Variants in ALDH2 observed in about 807,000 individuals in gnomAD.
The protein encoded by ALDH2 is aldehyde dehydrogenase, mitochondrial.
In ALDH2, 44 loss-of-function variants were observed where a neutral mutation model predicts 59.6. That is an observed-to-expected ratio of 0.74 (90% CI 0.58 to 0.95). The LOEUF (loss-of-function observed/expected upper bound fraction) is 0.95, where lower values mean the gene tolerates loss of function less well. Among genes scored for constraint, ALDH2 ranks in the 40% least tolerant of loss-of-function variants. The pLI is 0.00. For synonymous variants in ALDH2, 291 were observed against 284.0 expected (o/e 1.02, Z -0.25); for missense variants, 570 against 696.3 (o/e 0.82, Z 2.04).
chr12:111,806,996 G>A (rs763932021), intron 12 of ALDH2, among the ~76,000 whole-genome samples: 6 of 151,860 alleles, frequency 4.0e-5, no homozygotes, highest in Admixed American at 2.0e-4. Context: ...ACCGGGCATG[G>A]TGGCTCACGC....
At chr12:111,771,856 T>C in intron 1 of ALDH2, among the ~76,000 whole-genome samples, 1 of 152,180 alleles carries the variant, frequency 6.6e-6, no homozygotes, top group African/African-American at 2.4e-5. Context: ...CTCCGCACTT[T>C]GGGAGGCTGA....
At position 111,774,830 on chromosome 12, in the gene ALDH2, G is replaced by A. The variant is rs190110704; in HGVS notation, c.115-7088G>A. ...CCCTGCCCCAGCTCCTGAGCCCCTC[G>A]ACCACCACAATCACCACTAAGTCTC... On this transcript the variant is annotated intron_variant, in intron 1 of 12. Coordinates refer to ENST00000261733, the MANE Select transcript of ALDH2 (RefSeq NM_000690.4). 2.4e-3 allele frequency among the ~76,000 whole-genome samples: 365 copies of A among 152,152 alleles called. 2 individuals carry two copies. Among genetic ancestry groups the A allele is most frequent in the African/African-American group, 8.6e-3 (355 of 41,518 alleles).
chr12:111,784,576 C>G (rs2068296406), intron 3 of ALDH2, among the ~76,000 whole-genome samples: 1 of 152,218 alleles, frequency 6.6e-6, no homozygotes, highest in South Asian at 2.1e-4. Flanking sequence ...CAGGGCTGGG[C>G]AGCCTGGCTC....
At chr12:111,772,859 T>C (rs1423157096) in intron 1 of ALDH2, among the ~76,000 whole-genome samples, 1 of 150,986 alleles carries the variant, frequency 6.6e-6, no homozygotes, top group African/African-American at 2.4e-5. Context: ...AGAGCCTCTA[T>C]AGAAATAGAT....
In ALDH2 at chr12:111,802,655, C is replaced by T. The variant is rs1308067941; in HGVS notation, c.1407-1204C>T. On this transcript the variant is annotated intron_variant, in intron 11 of 12. Coordinates refer to ENST00000261733, the MANE Select transcript of ALDH2 (RefSeq NM_000690.4). ...CAGCACTTTGGGAGGCCAAGGCGGG[C>T]GGATCACGAGGTCAGAAGATCAAGA... 1.5e-4 allele frequency among the ~76,000 whole-genome samples: 23 copies of T among 151,208 alleles called. 1 individual carries two copies. Among genetic ancestry groups the T allele is most frequent in the South Asian group, 1.2e-3 (6 of 4,806 alleles).
chr12:111,771,966 G>A (rs1290056572), intron 1 of ALDH2, among the ~76,000 whole-genome samples: 1 of 151,998 alleles, frequency 6.6e-6, no homozygotes, highest in Non-Finnish European at 1.5e-5. Context: ...AGGCCTGGTA[G>A]CCCACGCTTG....
At chr12:111,774,053 A>G (rs1260128080) in intron 1 of ALDH2, among the ~76,000 whole-genome samples, 1 of 152,214 alleles carries the variant, frequency 6.6e-6, no homozygotes, top group East Asian at 1.9e-4. Flanking sequence ...TTGCAGCAAG[A>G]TAGAGGTTGC....
chr12:111,816,956 G>T lies in ALDH2; in HGVS notation c.*7381G>T, dbSNP rs2068573159. ...CAAGGTCCCATGGATACTCACTTTG[G>T]TTATATTCTAAGTTGGTTACACAAA... is the stretch of plus-strand genomic sequence containing the variant. On this transcript the variant is annotated 3_prime_UTR_variant, in exon 13 of 13. Transcript: ENST00000261733. 6.6e-6 allele frequency: 1 copy of T among 152,164 alleles called. No homozygotes were observed. The highest frequency in any genetic ancestry group is 1.5e-5 in the Non-Finnish European group (1 of 68,028). 9.4% of individuals were successfully genotyped at this position (152,164 alleles called of 1,614,324 possible). A position where few individuals can be genotyped will look rare whatever the true frequency, so the allele number is the denominator to read the frequency against.
At chr12:111,792,521 C>T in intron 8 of ALDH2, 77 bp from the exon 9 acceptor site, 1 of 1,484,518 alleles carries the variant, frequency 6.7e-7, no homozygotes. Context: ...GGAACAGGCT[C>T]CATTGGGCAG....
rs1202727118 is a variant in ALDH2 at position 111,783,138 on chromosome 12, A to C, written c.220-20A>C. 6.2e-7 allele frequency: 1 copy of C among 1,600,064 alleles called. No individual in the cohort carries two copies. The highest frequency in any genetic ancestry group is 1.3e-5 in the African/African-American group (1 of 74,612). Reference sequence around the variant, plus strand: ...GACCTGAGTTTTCCAGGAAGGCTTGAGTTTTCCTGTGTTTTCTAGGAAGAT... The same window carrying C: ...GACCTGAGTTTTCCAGGAAGGCTTGCGTTTTCCTGTGTTTTCTAGGAAGAT... On this transcript the variant is annotated intron_variant, in intron 2 of 12. Transcript: ENST00000261733.
At chr12:111,805,455 G>T (rs915897667) in intron 12 of ALDH2, among the ~76,000 whole-genome samples, 2 of 152,112 alleles carry the variant, frequency 1.3e-5, no homozygotes, top group Non-Finnish European at 2.9e-5. Context: ...CTCCCGAGTA[G>T]CTGGGACTAC....
At chr12:111,769,643 G>T (rs2068184799) in intron 1 of ALDH2, among the ~76,000 whole-genome samples, 1 of 151,178 alleles carries the variant, frequency 6.6e-6, no homozygotes, top group Non-Finnish European at 1.5e-5. Flanking sequence ...ACTGAACAAT[G>T]TACCTGGGTT....
chr12:111,785,057 A>C (rs1475292400), intron 3 of ALDH2, among the ~76,000 whole-genome samples: 1 of 149,306 alleles, frequency 6.7e-6, no homozygotes, highest in Non-Finnish European at 1.5e-5. Context: ...TTGGTGGCTC[A>C]TCCTGCCTGG....
chr12:111,770,426 G>T (rs1325189959), intron 1 of ALDH2, among the ~76,000 whole-genome samples: 1 of 152,132 alleles, frequency 6.6e-6, no homozygotes, highest in Non-Finnish European at 1.5e-5. Flanking sequence ...GGAGTTTGGG[G>T]TGAATTAAAA....
intron 12 of ALDH2, among the ~76,000 whole-genome samples, chr12:111,805,299 G>T (rs749748149): frequency 1.3e-5 from 2 of 152,188 alleles, no homozygotes; most frequent in Non-Finnish European, 2.9e-5. Flanking sequence ...TGGGAGGATC[G>T]CTTGAGCCAC....
At chr12:111,781,853 A>T (rs528840398) in intron 1 of ALDH2, 65 bp from the exon 2 acceptor site, 1 of 1,165,202 alleles carries the variant, frequency 8.6e-7, no homozygotes, top group Non-Finnish European at 1.3e-6. Flanking sequence ...TTTTTTCCTT[A>T]CAATACTGGT....
rs778279256 is a variant in ALDH2 at position 111,781,948 on chromosome 12, G to T, written c.145G>T (p.Val49Phe). 4 of 1,613,700 alleles carry T rather than the reference G, an allele frequency of 2.5e-6. No individual in the cohort carries two copies. The highest frequency in any genetic ancestry group is 3.4e-6 in the Non-Finnish European group (4 of 1,179,826). Residue 49 changes from valine to phenylalanine, a missense_variant, in exon 2 of 13, where the codon GTC (valine) becomes TTC (phenylalanine). Val to Phe is a conservative substitution (Grantham distance 50, BLOSUM62 -1). Coordinates refer to ENST00000261733, the MANE Select transcript of ALDH2 (RefSeq NM_000690.4). ...CATAAACAATGAATGGCACGATGCC[G>T]TCAGCAGGAAAACATTCCCCACCGT... ...IFINNEWHDAVSRKTFPTVNP... is the reference protein window; with the variant it reads ...IFINNEWHDAFSRKTFPTVNP...
chr12:111,780,302 A>G (rs1281677378), intron 1 of ALDH2, among the ~76,000 whole-genome samples: 2 of 152,188 alleles, frequency 1.3e-5, no homozygotes, highest in Non-Finnish European at 2.9e-5. Context: ...TCTTTCCCCC[A>G]GATGTGGCTT....
chr12:111,783,870 A>G (rs1239903483), intron 3 of ALDH2, among the ~76,000 whole-genome samples: 3 of 152,100 alleles, frequency 2.0e-5, no homozygotes, highest in Non-Finnish European at 2.9e-5. Context: ...GAGCTGTGTC[A>G]GGGAGGCCTT....
Sources: gnomAD v4.1 joint callset for allele counts (sites outside exome capture counted in the v4.1 genomes callset) on GRCh38, gnomAD v4.1.1 for gene constraint, MANE v1.5 for transcripts, NCBI Gene and HGNC (gene_info 2026-07-23, HGNC 2026-07-21) for gene names.